The following ACAP2 variants were observed in gnomAD, a reference collection of about 807,000 sequenced individuals.
ACAP2 encodes the protein arf-GAP with coiled-coil, ANK repeat and PH domain-containing protein 2.
Under a neutral mutation model 115.8 loss-of-function variants are expected in ACAP2, and 39 were observed. That is an observed-to-expected ratio of 0.34 (90% CI 0.26 to 0.44). The LOEUF (loss-of-function observed/expected upper bound fraction) is 0.44. ACAP2 is among the 20% of genes least tolerant of loss of function. The pLI, the probability that ACAP2 is intolerant of heterozygous loss-of-function variation, is 1.00. For missense variants in ACAP2, 662 were observed against 927.6 expected (o/e 0.71, Z 3.72); for synonymous variants, 289 against 315.8 (o/e 0.92, Z 0.90).
intron 4 of ACAP2, among the ~76,000 whole-genome samples, chr3:195,371,396 G>C (rs1477705364): frequency 6.6e-6 from 1 of 152,102 alleles, no homozygotes; most frequent in African/African-American, 2.4e-5. Context: ...ACTAATTTTT[G>C]CATGTTATGT....
chr3:195,440,121 T>C (rs762732692), intron 1 of ACAP2, among the ~76,000 whole-genome samples: 22 of 152,188 alleles, frequency 1.4e-4, no homozygotes, highest in Admixed American at 2.6e-4. Context: ...GATTTTTAGA[T>C]GAACAAGGTT....
intron 1 of ACAP2, among the ~76,000 whole-genome samples, chr3:195,435,569 T>C (rs1298758726): frequency 6.6e-6 from 1 of 152,196 alleles, no homozygotes; most frequent in Admixed American, 6.5e-5. Flanking sequence ...TTTTCATTCA[T>C]CTGAAAATAT....
chr3:195,359,657 C>T (rs938782390), intron 4 of ACAP2, among the ~76,000 whole-genome samples: 2 of 152,092 alleles, frequency 1.3e-5, no homozygotes, highest in African/African-American at 4.8e-5. Context: ...TTAGTAGAGA[C>T]GGGGCTTCAC....
chr3:195,425,918 C>T (rs753627723), intron 1 of ACAP2, among the ~76,000 whole-genome samples: 10 of 152,084 alleles, frequency 6.6e-5, no homozygotes, highest in Admixed American at 1.3e-4. Context: ...TGGCTTCCTG[C>T]GTGGTCTCTT....
intron 4 of ACAP2, among the ~76,000 whole-genome samples, chr3:195,348,919 C>T (rs959166315): frequency 2.0e-5 from 3 of 152,192 alleles, no homozygotes; most frequent in Admixed American, 6.5e-5. Context: ...GGAATGCCTA[C>T]TCATCACTTC....
chr3:195,343,731 T>G (rs1731020216), intron 5 of ACAP2, among the ~76,000 whole-genome samples: 1 of 152,274 alleles, frequency 6.6e-6, no homozygotes, highest in Non-Finnish European at 1.5e-5. Flanking sequence ...GGTTCATTAA[T>G]GATCTTAGTC....
At chr3:195,331,277 G>T (rs1730148102) in intron 8 of ACAP2, among the ~76,000 whole-genome samples, 1 of 151,640 alleles carries the variant, frequency 6.6e-6, no homozygotes, top group Admixed American at 6.6e-5. Flanking sequence ...CATATACTCT[G>T]GTCAGTAAAT....
chr3:195,347,842 C>CTA (rs1019072264), intron 4 of ACAP2, among the ~76,000 whole-genome samples: 1 of 151,848 alleles, frequency 6.6e-6, no homozygotes, highest in African/African-American at 2.4e-5. Context: ...ACCCATCTCT[C>CTA]TATATATATA....
chr3:195,300,638 T>C (rs1345730953), intron 15 of ACAP2, among the ~76,000 whole-genome samples: 4 of 152,240 alleles, frequency 2.6e-5, no homozygotes, highest in Non-Finnish European at 5.9e-5. Flanking sequence ...AAAGCTTTTC[T>C]AATCCATTAT....
intron 18 of ACAP2, among the ~76,000 whole-genome samples, chr3:195,293,191 A>G (rs1035153501): frequency 2.0e-5 from 3 of 152,150 alleles, no homozygotes; most frequent in Non-Finnish European, 4.4e-5. Context: ...AAATGTTGGG[A>G]CTTAAGAAGC....
In ACAP2 at chr3:195,391,224, C is replaced by CTT. The variant is rs200717304; in HGVS notation, c.111+864_111+865dup. 1.4e-4 allele frequency among the ~76,000 whole-genome samples: 12 copies of CTT among 88,566 alleles called. No homozygotes were observed. In the South Asian group the frequency reaches 4.6e-3, roughly 34 times the overall value. The allele number at this position is 88,566 out of a possible 152,430, so 58.1% of individuals were successfully genotyped here. On this transcript the variant is annotated intron_variant, in intron 2 of 22. Transcript: ENST00000326793. ...GGTAGAAAATACAGAAAAAGCTTCT[C>CTT]TTTCTTTTTTTTTTTTTTTTTTGAG...
intron 17 of ACAP2, chr3:195,295,111 A>G (rs542273613): frequency 1.5e-6 from 1 of 682,346 alleles, no homozygotes; most frequent in South Asian, 1.7e-5. Context: ...TAATTCTGAG[A>G]CAATGGGTAA....
chr3:195,386,561 G>A (rs1199819108), intron 2 of ACAP2, among the ~76,000 whole-genome samples: 4 of 152,068 alleles, frequency 2.6e-5, no homozygotes, highest in Admixed American at 6.6e-5. Flanking sequence ...CAAACACCGC[G>A]TGTTCTCACT....
intron 1 of ACAP2, among the ~76,000 whole-genome samples, chr3:195,424,320 A>C (rs1375905794): frequency 1.8e-5 from 2 of 108,654 alleles, no homozygotes; most frequent in African/African-American, 7.5e-5. Context: ...TTTGAAACAG[A>C]GTCTCGCTCT....
chr3:195,304,543 C>G (rs1204559395), intron 13 of ACAP2, among the ~76,000 whole-genome samples: 2 of 152,198 alleles, frequency 1.3e-5, no homozygotes, highest in African/African-American at 4.8e-5. Flanking sequence ...TAGGGGATGA[C>G]TGCTCTCTAC....
intron 22 of ACAP2, among the ~76,000 whole-genome samples, chr3:195,281,871 T>C (rs1431857298): frequency 2.6e-5 from 4 of 152,252 alleles, no homozygotes; most frequent in East Asian, 1.9e-4. Flanking sequence ...GTAAACATTA[T>C]AAATATTTTT....
At chr3:195,342,810 A>G (rs1730963112) in intron 5 of ACAP2, 156 bp from the exon 6 acceptor site, 30 of 495,792 alleles carry the variant, frequency 6.1e-5, no homozygotes, top group South Asian at 5.3e-4. Flanking sequence ...CCTGGCCAAC[A>G]TGGTGAAACC....
At chr3:195,405,047 G>C (rs536071208) in intron 1 of ACAP2, among the ~76,000 whole-genome samples, 1 of 151,786 alleles carries the variant, frequency 6.6e-6, no homozygotes, top group African/African-American at 2.4e-5. Flanking sequence ...TGATCCGCCC[G>C]CCCCAGCCTC....
At chr3:195,292,218 T>G in intron 19 of ACAP2, 47 bp downstream of exon 19, 1 of 1,508,030 alleles carries the variant, frequency 6.6e-7, no homozygotes. Context: ...TATGATTTTT[T>G]TTAAATATTT....
Sources: gnomAD v4.1 joint callset for allele counts (sites outside exome capture counted in the v4.1 genomes callset) on GRCh38, gnomAD v4.1.1 for gene constraint, MANE v1.5 for transcripts, NCBI Gene and HGNC (gene_info 2026-07-23, HGNC 2026-07-21) for gene names.